RNF169: variants seen among roughly 807,000 people sequenced by gnomAD.
The protein encoded by RNF169 is E3 ubiquitin-protein ligase RNF169.
A neutral mutation model predicts 53.9 loss-of-function variants in RNF169; 24 were observed. That is an observed-to-expected ratio of 0.45 (90% CI 0.32 to 0.63). The LOEUF is 0.63. Ranked by LOEUF, RNF169 falls within the 20% of genes least tolerant of loss-of-function variation. The pLI, the probability that RNF169 is intolerant of heterozygous loss-of-function variation, is 0.04. For missense variants in RNF169, 883 were observed against 906.2 expected (o/e 0.97, Z 0.33); for synonymous variants, 396 against 363.5 (o/e 1.09, Z -1.02).
intron 1 of RNF169, among the ~76,000 whole-genome samples, chr11:74,787,344 TAAGGAAATGCATATGCATTTCATATCA>T (rs1410030050): frequency 1.3e-5 from 2 of 152,052 alleles, no homozygotes; most frequent in East Asian, 1.9e-4. Context: ...CAAGTAGGAG[TAAGGAAATGCATATGCATTTCATATCA>T]AAGGAAATGC....
intron 1 of RNF169, among the ~76,000 whole-genome samples, chr11:74,766,970 T>G (rs2035183978): frequency 6.6e-6 from 1 of 152,216 alleles, no homozygotes; most frequent in Admixed American, 6.5e-5. Context: ...GCCACTCTCA[T>G]GAACACAGAT....
At position 74,840,349 on chromosome 11, in the gene RNF169, C is replaced by G. The variant is rs1355212810; in HGVS notation, c.*3619C>G. ...CCCATTTAGAAAACTGACCAGCACC[C>G]AGCAAGCTGCATTCTACATTTTAGA... On this transcript the variant is annotated 3_prime_UTR_variant, in exon 6 of 6. Coordinates refer to ENST00000299563, the MANE Select transcript of RNF169 (RefSeq NM_001098638.2). 1.3e-5 allele frequency: 2 copies of G among 152,218 alleles called. No individual in the cohort carries two copies. The highest frequency in any genetic ancestry group is 4.8e-5 in the African/African-American group (2 of 41,464). 9.4% of individuals were successfully genotyped at this position (152,218 alleles called of 1,614,324 possible).
chr11:74,751,756 T>C (rs921719474), intron 1 of RNF169, among the ~76,000 whole-genome samples: 2 of 152,246 alleles, frequency 1.3e-5, no homozygotes, highest in African/African-American at 4.8e-5. Flanking sequence ...TATACAGTTA[T>C]GTGCTTATTC....
At chr11:74,772,444 A>G (rs995117334) in intron 1 of RNF169, among the ~76,000 whole-genome samples, 2 of 150,796 alleles carry the variant, frequency 1.3e-5, no homozygotes, top group African/African-American at 4.9e-5. Context: ...ATCCTTCAGT[A>G]AATGTTAATT....
intron 1 of RNF169, among the ~76,000 whole-genome samples, chr11:74,776,266 T>G (rs2035331670): frequency 1.3e-5 from 2 of 152,130 alleles, no homozygotes; most frequent in East Asian, 3.8e-4. Context: ...TATTTTCCCT[T>G]CCTTCTGTTT....
chr11:74,803,039 G>T (rs1263724219), intron 2 of RNF169, among the ~76,000 whole-genome samples: 1 of 151,478 alleles, frequency 6.6e-6, no homozygotes, highest in African/African-American at 2.4e-5. Context: ...TCCTGCCTCA[G>T]CCTCCTGAGT....
Position 74,817,553 on chromosome 11 carries a change from G to A in RNF169, c.724-43G>A, listed in dbSNP as rs377313896. ...CCTATAGCTAGAGTAGATGCCTTGG[G>A]AACTCCAAATGGACAGTGTTGTCTC... is the stretch of plus-strand genomic sequence containing the variant. On this transcript the variant is annotated intron_variant, in intron 3 of 5. Transcript: ENST00000299563. 71 of 1,259,026 alleles carry A rather than the reference G, an allele frequency of 5.6e-5. No homozygotes were observed. The African/African-American group carries it at 8.9e-4, about 16-fold the overall frequency. The allele number at this position is 1,259,026 out of a possible 1,614,324, so 78.0% of individuals were successfully genotyped here. A position where few individuals can be genotyped will look rare whatever the true frequency, so the allele number is the denominator to read the frequency against.
chr11:74,751,051 A>G (rs938277474), intron 1 of RNF169, among the ~76,000 whole-genome samples: 2 of 151,704 alleles, frequency 1.3e-5, no homozygotes, highest in Non-Finnish European at 2.9e-5. Context: ...TTGTAATTTT[A>G]GTAGAGACGG....
chr11:74,832,648 A>T (rs2036197433), intron 4 of RNF169: 1 of 152,160 alleles, frequency 6.6e-6, no homozygotes, highest in South Asian at 2.1e-4. Context: ...GAAAGTTAAA[A>T]AAGTCTTTCT....
intron 4 of RNF169, among the ~76,000 whole-genome samples, chr11:74,828,188 A>C (rs931605313): frequency 6.6e-6 from 1 of 152,226 alleles, no homozygotes; most frequent in Non-Finnish European, 1.5e-5. Context: ...ATACACCAGT[A>C]GCAGGTAACC....
At chr11:74,789,760 T>C in intron 2 of RNF169, 61 bp downstream of exon 2, 1 of 1,117,012 alleles carries the variant, frequency 9.0e-7, no homozygotes, top group South Asian at 1.3e-5. Flanking sequence ...CATTAAAGAA[T>C]GCTTAGTGGG....
chr11:74,829,153 CA>C (rs1313577719), intron 4 of RNF169, among the ~76,000 whole-genome samples: 2 of 151,942 alleles, frequency 1.3e-5, no homozygotes, highest in African/African-American at 4.8e-5. Flanking sequence ...TACAAGAAAA[CA>C]AAAGCCACCC....
At chr11:74,749,449 AG>A (rs1458371504) in intron 1 of RNF169, 67 bp downstream of exon 1, 7 of 1,176,076 alleles carry the variant, frequency 6.0e-6, no homozygotes, top group East Asian at 7.1e-5. Context: ...CGGCCTGGTG[AG>A]GGGGTGGAGA....
chr11:74,771,074 C>T (rs753439352), intron 1 of RNF169, among the ~76,000 whole-genome samples: 17 of 152,242 alleles, frequency 1.1e-4, no homozygotes, highest in Middle Eastern at 6.8e-3. Context: ...TCTCAAAGTG[C>T]TGGGATTACA....
Position 74,836,495 on chromosome 11 carries a change from T to C in RNF169, c.1892T>C (p.Leu631Ser). ...GRKRHCKTKH[L>S]EQNGSLKKLR... is the part of the protein sequence containing the mutation. ...AAAAGACACTGCAAGACCAAGCACT[T>C]AGAACAAAATGGCTCCCTTAAAAAA... The change falls in exon 6 of 6, where the codon TTA becomes TCA. Residue 631 changes from leucine (L) to serine (S), a missense_variant. Physicochemically the swap from Leu to Ser is moderately radical, Grantham distance 145 (BLOSUM62 -2). Coordinates refer to ENST00000299563, the MANE Select transcript of RNF169 (RefSeq NM_001098638.2). The C allele has an allele frequency of 6.2e-7, 1 of 1,614,090 alleles. No individual in the cohort carries two copies. Among genetic ancestry groups the C allele is most frequent in the Non-Finnish European group, 8.5e-7 (1 of 1,180,028 alleles).
chr11:74,758,481 G>C (rs567039365), intron 1 of RNF169, among the ~76,000 whole-genome samples: 3 of 151,652 alleles, frequency 2.0e-5, no homozygotes, highest in South Asian at 4.2e-4. Context: ...TGGCGATGCG[G>C]GCTCTTTTTT....
intron 1 of RNF169, among the ~76,000 whole-genome samples, chr11:74,773,418 A>T (rs1022984621): frequency 6.6e-6 from 1 of 152,112 alleles, no homozygotes; most frequent in Admixed American, 6.6e-5. Flanking sequence ...AGATGACTTG[A>T]TTATAGCATT....
chr11:74,749,556 G>C (rs1483624574), intron 1 of RNF169, among the ~76,000 whole-genome samples, 174 bp downstream of exon 1: 2 of 152,236 alleles, frequency 1.3e-5, no homozygotes, highest in East Asian at 1.9e-4. Flanking sequence ...TTGAACTTCA[G>C]AGTGAAGGAC....
At chr11:74,778,162 G>A (rs547172984) in intron 1 of RNF169, among the ~76,000 whole-genome samples, 2 of 152,232 alleles carry the variant, frequency 1.3e-5, no homozygotes, top group Non-Finnish European at 2.9e-5. Flanking sequence ...TATTTTTAAA[G>A]CTTTTTATGA....
Sources: gnomAD v4.1 joint callset for allele counts (sites outside exome capture counted in the v4.1 genomes callset) on GRCh38, gnomAD v4.1.1 for gene constraint, MANE v1.5 for transcripts, NCBI Gene and HGNC (gene_info 2026-07-23, HGNC 2026-07-21) for gene names.